The following UNC5D variants were observed in gnomAD, a reference collection of about 807,000 sequenced individuals.
The protein encoded by UNC5D is netrin receptor UNC5D.
UNC5D carries 39 observed loss-of-function variants against 105.4 expected under a neutral mutation model. The observed-to-expected ratio is 0.37, with a 90% CI of 0.29 to 0.48. The LOEUF (loss-of-function observed/expected upper bound fraction) is 0.48. Ranked by LOEUF, UNC5D falls within the 20% of genes least tolerant of loss-of-function variation. The pLI is 0.98. For synonymous variants in UNC5D, 452 were observed against 450.4 expected (o/e 1.00, Z -0.04); for missense variants, 991 against 1,202.4 (o/e 0.82, Z 2.60).
At chr8:35,787,867 G>A (rs909382509) in intron 16 of UNC5D, among the ~76,000 whole-genome samples, 27 of 151,972 alleles carry the variant, frequency 1.8e-4, no homozygotes, top group Non-Finnish European at 2.4e-4. Flanking sequence ...TGATCCTCCC[G>A]CCTGGGCCAC....
chr8:35,468,085 T>C (rs192821097), intron 1 of UNC5D, among the ~76,000 whole-genome samples: 42 of 152,336 alleles, frequency 2.8e-4, no homozygotes, highest in African/African-American at 9.6e-4. Flanking sequence ...GCTTTTACTA[T>C]GAATTAGATA....
At chr8:35,733,390 T>C (rs1829297462) in intron 11 of UNC5D, among the ~76,000 whole-genome samples, 1 of 152,172 alleles carries the variant, frequency 6.6e-6, no homozygotes, top group Non-Finnish European at 1.5e-5. Flanking sequence ...CACCTTTTCT[T>C]TGTAATATCA....
intron 16 of UNC5D, among the ~76,000 whole-genome samples, chr8:35,775,474 G>T (rs1191289554): frequency 6.6e-6 from 1 of 152,062 alleles, no homozygotes; most frequent in African/African-American, 2.4e-5. Context: ...CTCAGCTTGA[G>T]GGATACACAG....
intron 3 of UNC5D, among the ~76,000 whole-genome samples, chr8:35,570,587 A>G (rs1011089921): frequency 6.6e-6 from 1 of 152,136 alleles, no homozygotes; most frequent in African/African-American, 2.4e-5. Flanking sequence ...TATGGATTCT[A>G]TAAAAATTTA....
At chr8:35,764,009 C>T (rs16884401) in intron 14 of UNC5D, among the ~76,000 whole-genome samples, 11,721 of 152,176 alleles carry the variant, frequency 0.077, 1,252 homozygotes, top group African/African-American at 0.24. Flanking sequence ...TAATCCCAAT[C>T]AGCTGCTTTC....
chr8:35,581,495 A>G (rs1586178313), intron 3 of UNC5D, among the ~76,000 whole-genome samples: 2 of 152,276 alleles, frequency 1.3e-5, no homozygotes, highest in South Asian at 4.1e-4. Context: ...GGGATAGTTA[A>G]TGGGTATAAA....
chr8:35,698,467 A>ATGAG (rs1020399878), intron 7 of UNC5D, among the ~76,000 whole-genome samples: 3 of 151,340 alleles, frequency 2.0e-5, no homozygotes, highest in African/African-American at 7.4e-5. Context: ...CTCTGTCTCT[A>ATGAG]TGAGTTTGGT....
chr8:35,750,815 C>T lies in UNC5D; in HGVS notation c.2163+6C>T. 6.2e-7 allele frequency: 1 copy of T among 1,613,460 alleles called. No individual in the cohort carries two copies. Among genetic ancestry groups the T allele is most frequent in the Non-Finnish European group, 8.5e-7 (1 of 1,179,520 alleles). ...ATACCCCTTGTGCATTTCAGGTTAG[C>T]CTTTGTTTTAATAATTTTCTTTTGG... On this transcript the variant is annotated splice_donor_region_variant and intron_variant, in intron 13 of 16. Transcript: ENST00000404895.
chr8:35,362,850 T>C (rs76610691), intron 1 of UNC5D, among the ~76,000 whole-genome samples: 3,994 of 152,272 alleles, frequency 0.026, 177 homozygotes, highest in African/African-American at 0.092. Flanking sequence ...CTATGAAAGA[T>C]ACTTATAAGG....
At chr8:35,236,809 A>G (rs1337246747) in intron 1 of UNC5D, among the ~76,000 whole-genome samples, 1 of 152,182 alleles carries the variant, frequency 6.6e-6, no homozygotes, top group Non-Finnish European at 1.5e-5. Flanking sequence ...ACCTTTGAAA[A>G]AAATCGGAAG....
At chr8:35,611,126 GA>G (rs1820653125) in intron 4 of UNC5D, among the ~76,000 whole-genome samples, 1 of 150,396 alleles carries the variant, frequency 6.6e-6, no homozygotes, top group East Asian at 2.0e-4. Context: ...AAAGCTTTAA[GA>G]ACCTTTGATT....
Position 35,459,354 on chromosome 8 carries a change from G to A in UNC5D, c.104-89938G>A, listed in dbSNP as rs541646690. Reference sequence around the variant, plus strand: ...AAATGATATTGTTGCCAATAACAAGGAAAAGCAGGCTAATAACATTTCAAT... The same window carrying A: ...AAATGATATTGTTGCCAATAACAAGAAAAAGCAGGCTAATAACATTTCAAT... On this transcript the variant is annotated intron_variant, in intron 1 of 16. Coordinates refer to ENST00000404895, the MANE Select transcript of UNC5D (RefSeq NM_080872.4). Among the ~76,000 whole-genome samples, 273 of 152,268 alleles carry A rather than the reference G, an allele frequency of 1.8e-3. 1 individual carries two copies. The highest frequency in any genetic ancestry group is 5.8e-3 in the African/African-American group (241 of 41,572).
intron 1 of UNC5D, among the ~76,000 whole-genome samples, chr8:35,329,400 GATAT>G (rs36221011): frequency 0.012 from 1,696 of 147,352 alleles, 32 homozygotes; most frequent in African/African-American, 0.04. Flanking sequence ...TTATTGGGTT[GATAT>G]ATATATATAT....
rs374096986 is a variant in UNC5D, at chr8:35,768,194, G to T, written c.2478+1128G>T. On this transcript the variant is annotated intron_variant, in intron 15 of 16. Transcript: ENST00000404895. ...TCATTGTTTATGCAAAATGAGCATT[G>T]CTAATTCCCCAAATAGTTTTTCTGA... Among the ~76,000 whole-genome samples the T allele has an allele frequency of 1.4e-4, 21 of 152,094 alleles. No homozygotes were observed. The East Asian group carries it at 3.3e-3, about 24-fold the overall frequency.
At chr8:35,327,637 G>T (rs876113) in intron 1 of UNC5D, among the ~76,000 whole-genome samples, 119,691 of 151,704 alleles carry the variant, frequency 0.79, 48,317 homozygotes, top group East Asian at 1. Flanking sequence ...TTGTGGGGGG[G>T]GGATCTGGAA....
chr8:35,615,192 C>CT (rs1381972584), intron 4 of UNC5D, among the ~76,000 whole-genome samples: 2 of 152,146 alleles, frequency 1.3e-5, no homozygotes, highest in African/African-American at 4.8e-5. Context: ...CGAGGCATGA[C>CT]TAGTCCACTG....
chr8:35,754,764 G>C (rs1830439560), intron 13 of UNC5D, among the ~76,000 whole-genome samples: 1 of 151,986 alleles, frequency 6.6e-6, no homozygotes, highest in South Asian at 2.1e-4. Flanking sequence ...ATTTGCTCTG[G>C]GGGTAGCTTA....
chr8:35,528,005 CAG>C (rs973078813), intron 1 of UNC5D, among the ~76,000 whole-genome samples: 71 of 150,638 alleles, frequency 4.7e-4, no homozygotes, highest in African/African-American at 1.7e-3. Context: ...TAACAATGCC[CAG>C]TTAAGTTTAT....
intron 1 of UNC5D, among the ~76,000 whole-genome samples, chr8:35,435,524 A>G (rs185357631): frequency 9.9e-5 from 15 of 152,252 alleles, no homozygotes; most frequent in Admixed American, 5.9e-4. Context: ...CAGTAGAGCC[A>G]TGTGTGATAA....
Sources: gnomAD v4.1 joint callset for allele counts (sites outside exome capture counted in the v4.1 genomes callset) on GRCh38, gnomAD v4.1.1 for gene constraint, MANE v1.5 for transcripts, NCBI Gene and HGNC (gene_info 2026-07-23, HGNC 2026-07-21) for gene names.